Variants in ERC1 observed in about 807,000 individuals in gnomAD.
ERC1 encodes ELKS/RAB6-interacting/CAST family member 1.
In ERC1, 56 loss-of-function variants were observed where a neutral mutation model predicts 132.0. The observed-to-expected ratio is 0.42, with a 90% CI of 0.34 to 0.53. The LOEUF is 0.53. Ranked by LOEUF, ERC1 falls within the 20% of genes least tolerant of loss-of-function variation. The pLI is 0.03. For synonymous variants in ERC1, 478 were observed against 476.1 expected, an observed-to-expected ratio of 1.00 and a Z score of -0.05; for missense variants, 1,202 against 1,349.9, an observed-to-expected ratio of 0.89 and a Z score of 1.72.
intron 7 of ERC1, among the ~76,000 whole-genome samples, chr12:1,123,441 G>T (rs1947803478): frequency 6.6e-6 from 1 of 151,982 alleles, no homozygotes; most frequent in Admixed American, 6.5e-5. Context: ...TCTCAGTTGG[G>T]CTAAAAAGAT....
At chr12:1,099,835 A>ATTTTTT (rs779732035) in intron 3 of ERC1, among the ~76,000 whole-genome samples, 10 of 54,400 alleles carry the variant, frequency 1.8e-4, no homozygotes, top group African/African-American at 3.7e-4. Context: ...TGAGACTTTG[A>ATTTTTT]TTTTTTTTTT....
intron 17 of ERC1, among the ~76,000 whole-genome samples, chr12:1,425,813 A>C (rs916467873): frequency 1.3e-5 from 2 of 152,228 alleles, no homozygotes; most frequent in Non-Finnish European, 2.9e-5. Flanking sequence ...TTATCCAAGA[A>C]AAATGTAGAC....
intron 15 of ERC1, among the ~76,000 whole-genome samples, chr12:1,343,177 G>C (rs1360447587): frequency 6.6e-6 from 1 of 152,132 alleles, no homozygotes; most frequent in Non-Finnish European, 1.5e-5. Flanking sequence ...TCTCATGTAG[G>C]CAACATGAGG....
At chr12:1,064,579 A>G (rs554780035) in intron 2 of ERC1, among the ~76,000 whole-genome samples, 2 of 152,252 alleles carry the variant, frequency 1.3e-5, no homozygotes, top group African/African-American at 4.8e-5. Context: ...TTTTTTGTAT[A>G]GATAGGGTCT....
At chr12:1,460,901 T>G (rs984214257) in intron 18 of ERC1, among the ~76,000 whole-genome samples, 1 of 151,016 alleles carries the variant, frequency 6.6e-6, no homozygotes, top group Admixed American at 6.6e-5. Flanking sequence ...AAATGAACAA[T>G]TGTTTTGAAA....
chr12:1,425,445 A>G (rs909030590), intron 17 of ERC1, among the ~76,000 whole-genome samples: 1 of 152,186 alleles, frequency 6.6e-6, no homozygotes, highest in Admixed American at 6.5e-5. Flanking sequence ...CACCAGCCCA[A>G]ATTCCTGAAT....
At chr12:1,018,808 A>G (rs2154143856) in intron 1 of ERC1, among the ~76,000 whole-genome samples, 1 of 152,332 alleles carries the variant, frequency 6.6e-6, no homozygotes, top group East Asian at 1.9e-4. Context: ...TAAGGAGGTG[A>G]TTAACTAAAA....
intron 15 of ERC1, among the ~76,000 whole-genome samples, chr12:1,292,646 G>C (rs935053171): frequency 6.6e-6 from 1 of 152,156 alleles, no homozygotes; most frequent in Non-Finnish European, 1.5e-5. Flanking sequence ...GAAGAGTCCA[G>C]TACTAAATTC....
At chr12:1,229,987 G>A (rs1298865705) in intron 12 of ERC1, among the ~76,000 whole-genome samples, 3 of 147,202 alleles carry the variant, frequency 2.0e-5, no homozygotes, top group Non-Finnish European at 4.5e-5. Flanking sequence ...TTATTTGCCT[G>A]AAGATACTTT....
intron 2 of ERC1, among the ~76,000 whole-genome samples, chr12:1,036,073 T>G (rs933392339): frequency 6.6e-6 from 1 of 152,188 alleles, no homozygotes; most frequent in African/African-American, 2.4e-5. Flanking sequence ...TTTAAAGCAC[T>G]GTCATTGAAA....
At chr12:1,061,735 A>G (rs1937965601) in intron 2 of ERC1, among the ~76,000 whole-genome samples, 1 of 147,118 alleles carries the variant, frequency 6.8e-6, no homozygotes, top group Admixed American at 6.8e-5. Flanking sequence ...CCATATCTCC[A>G]TCTCTTGCTT....
At chr12:1,092,186 A>G (rs941309465) in intron 3 of ERC1, among the ~76,000 whole-genome samples, 1 of 151,982 alleles carries the variant, frequency 6.6e-6, no homozygotes, top group Non-Finnish European at 1.5e-5. Context: ...TTTAGTAGAG[A>G]CGAGGTTTCA....
chr12:1,244,510 GTT>G, intron 13 of ERC1: 1 of 449,248 alleles, frequency 2.2e-6, no homozygotes, highest in Admixed American at 2.4e-5. Context: ...TTGTTTGTTT[GTT>G]TGTTTGTTTG....
intron 2 of ERC1, among the ~76,000 whole-genome samples, chr12:1,068,394 T>C (rs943827615): frequency 6.6e-6 from 1 of 152,178 alleles, no homozygotes; most frequent in Non-Finnish European, 1.5e-5. Context: ...ATAAGGAACC[T>C]GAAGGCTTAA....
intron 13 of ERC1, among the ~76,000 whole-genome samples, chr12:1,259,627 A>C (rs1448482687): frequency 6.9e-6 from 1 of 145,454 alleles, no homozygotes; most frequent in Non-Finnish European, 1.5e-5. Flanking sequence ...GGTTCAAGTG[A>C]TTCTCCTGCC....
At chr12:1,052,217 G>C (rs1175509259) in intron 2 of ERC1, among the ~76,000 whole-genome samples, 2 of 152,300 alleles carry the variant, frequency 1.3e-5, no homozygotes, top group East Asian at 3.9e-4. Context: ...TCTGCTGCTG[G>C]TCAGGGAACA....
At chr12:1,489,956 A>C in intron 18 of ERC1, 137 bp from the exon 19 acceptor site, 1 of 1,004,796 alleles carries the variant, frequency 1.0e-6, no homozygotes. Flanking sequence ...TTGCTTTTAC[A>C]CTTTTCTTAT....
chr12:1,157,917 A>G (rs1296265204), intron 8 of ERC1, among the ~76,000 whole-genome samples: 2 of 152,228 alleles, frequency 1.3e-5, no homozygotes, highest in Non-Finnish European at 2.9e-5. Context: ...CAGATACTCT[A>G]AGGAGTCAAT....
chr12:1,265,716 C>T (rs1343502033), intron 14 of ERC1, among the ~76,000 whole-genome samples: 2 of 152,170 alleles, frequency 1.3e-5, no homozygotes, highest in Admixed American at 1.3e-4. Context: ...CATGCCCCAC[C>T]GATTTATTCC....
Sources: gnomAD v4.1 joint callset for allele counts (sites outside exome capture counted in the v4.1 genomes callset) on GRCh38, gnomAD v4.1.1 for gene constraint, MANE v1.5 for transcripts, NCBI Gene and HGNC (gene_info 2026-07-23, HGNC 2026-07-21) for gene names.